ADCY9: variants seen among roughly 807,000 people sequenced by gnomAD.
ADCY9 encodes adenylate cyclase 9, also known as adenylate cyclase type 9.
ADCY9 carries 50 observed loss-of-function variants against 101.5 expected under a neutral mutation model. The observed-to-expected ratio is 0.49, with a 90% CI of 0.39 to 0.62. The LOEUF (loss-of-function observed/expected upper bound fraction) is 0.62. Among genes scored for constraint, ADCY9 ranks in the 20% least tolerant of loss-of-function variants. The pLI is 0.00. For synonymous variants in ADCY9, 905 were observed against 769.3 expected (o/e 1.18, Z -2.92); for missense variants, 1,662 against 1,800.4 (o/e 0.92, Z 1.39).
chr16:4,054,431 T>C (rs1049941115), intron 2 of ADCY9, among the ~76,000 whole-genome samples: 1 of 152,232 alleles, frequency 6.6e-6, no homozygotes, highest in East Asian at 1.9e-4. Context: ...GGCTCGGTTC[T>C]GAAATGATTT....
At chr16:3,996,966 G>A (rs1182940056) in intron 3 of ADCY9, among the ~76,000 whole-genome samples, 1 of 152,138 alleles carries the variant, frequency 6.6e-6, no homozygotes, top group Non-Finnish European at 1.5e-5. Context: ...CTGGGTTCAA[G>A]CAATTCTGCT....
rs1394273563 is a variant in ADCY9 at position 3,983,252 on chromosome 16, C to T, written c.2499G>A (p.Leu833=). 7.7e-6 allele frequency: 12 copies of T among 1,551,614 alleles called. No homozygotes were observed. The highest frequency in any genetic ancestry group is 1.0e-5 in the Non-Finnish European group (12 of 1,147,322). Residue 833 remains leucine (L), a synonymous_variant, in exon 7 of 11, where the codon CTG becomes CTA. Coordinates refer to ENST00000294016, the MANE Select transcript of ADCY9 (RefSeq NM_001116.4). ...VFSAALLLEV[L]SLAVSIRMVF... is the part of the protein sequence containing the mutation. ...CTTACCTGATGGACACCGCGAGGGA[C>T]AGCACCTCCAGCAGCAGGGCTGCAC...
At chr16:4,069,705 G>A (rs1179369788) in intron 2 of ADCY9, among the ~76,000 whole-genome samples, 2 of 151,924 alleles carry the variant, frequency 1.3e-5, no homozygotes, top group Non-Finnish European at 2.9e-5. Context: ...CCCAGGATTC[G>A]GACAGTGTTA....
rs772806621 is a variant in ADCY9, at chr16:3,965,852, C to T, written c.3985G>A (p.Glu1329Lys). 7.4e-6 allele frequency: 12 copies of T among 1,614,088 alleles called. No individual in the cohort carries two copies. The highest frequency in any genetic ancestry group is 1.3e-5 in the African/African-American group (1 of 74,946). The change falls in exon 11 of 11, where the codon GAG becomes AAG. Residue 1329 changes from glutamate (E) to lysine (K), a missense_variant. This residue lies in a region of ADCY9 where 168 missense variants were observed against 155.3 expected (regional missense o/e 1.08). Transcript: ENST00000294016. ...EERGRFGKAIEKDDCDETGIE... is the reference protein window; with the variant it reads ...EERGRFGKAIKKDDCDETGIE... Reference sequence around the variant, plus strand: ...CCTGTTTCGTCACAGTCGTCTTTCTCTATGGCTTTGCCAAATCGACCCCTT... The same window carrying T: ...CCTGTTTCGTCACAGTCGTCTTTCTTTATGGCTTTGCCAAATCGACCCCTT...
At position 3,998,728 on chromosome 16, in the gene ADCY9, A is replaced by AAG. The variant is rs1555507982; in HGVS notation, c.1885-5219_1885-5218insCT. Among the ~76,000 whole-genome samples, 27 of 129,912 alleles carry AAG rather than the reference A, an allele frequency of 2.1e-4. 1 individual carries two copies. The highest frequency in any genetic ancestry group is 6.4e-4 in the East Asian group (3 of 4,710). 85.2% of individuals were successfully genotyped at this position (129,912 alleles called of 152,430 possible). ...TGTCTCAAAAAAAAAAAAAAAAAAAAAAAAAAAGAAAAGAAAGAAAGAAAG... is the reference window on the plus strand; with the variant it reads ...TGTCTCAAAAAAAAAAAAAAAAAAAAAGAAAAAAAGAAAAGAAAGAAAGAAAG... On this transcript the variant is annotated intron_variant, in intron 3 of 10. Transcript: ENST00000294016.
chr16:4,002,615 A>G (rs1270842364), intron 3 of ADCY9, among the ~76,000 whole-genome samples: 1 of 152,268 alleles, frequency 6.6e-6, no homozygotes, highest in African/African-American at 2.4e-5. Flanking sequence ...CCAGCCACGC[A>G]GGTGCGCTCC....
chr16:3,991,763 TAAAAAAAA>T (rs55746006), intron 5 of ADCY9, among the ~76,000 whole-genome samples: 2 of 91,406 alleles, frequency 2.2e-5, no homozygotes, highest in Non-Finnish European at 1.9e-5. Context: ...CTAGTCCTTA[TAAAAAAAA>T]AAAAAAAAAA....
At chr16:4,069,465 C>T (rs1442952063) in intron 2 of ADCY9, among the ~76,000 whole-genome samples, 1 of 151,430 alleles carries the variant, frequency 6.6e-6, no homozygotes, top group African/African-American at 2.4e-5. Flanking sequence ...ACACTTGGTG[C>T]CGAGTCTGAC....
rs745631015 is a variant in ADCY9 at position 3,966,884 on chromosome 16, C to T, written c.2953G>A (p.Val985Ile). ...ACCAACAAGAGCAGGAGAAAGAAGA[C>T]GAGAACCACCTCCTGGCCGATGAGG... is the stretch of plus-strand genomic sequence containing the variant. Reference protein sequence around the residue: ...ASLIGQEVVLVFFLLLLLVWF... With the variant: ...ASLIGQEVVLIFFLLLLLVWF... Residue 985 changes from valine (V) to isoleucine (I), a missense_variant, in exon 11 of 11, where the codon GTC becomes ATC. Physicochemically the swap from Val to Ile is conservative, Grantham distance 29 (BLOSUM62 3). This residue lies in a region of ADCY9 where 624 missense variants were observed against 639.1 expected (regional missense o/e 0.98). Transcript: ENST00000294016. The T allele has an allele frequency of 9.9e-6, 16 of 1,613,990 alleles. No homozygotes were observed. Among genetic ancestry groups the T allele is most frequent in the East Asian group, 4.5e-5 (2 of 44,902 alleles).
intron 2 of ADCY9, among the ~76,000 whole-genome samples, chr16:4,096,418 G>A (rs940484889): frequency 3.3e-5 from 5 of 152,096 alleles, no homozygotes; most frequent in African/African-American, 1.2e-4. Flanking sequence ...TGTTAGTGGA[G>A]GAAATGTATT....
At chr16:3,999,064 C>T (rs189279352) in intron 3 of ADCY9, among the ~76,000 whole-genome samples, 39 of 152,218 alleles carry the variant, frequency 2.6e-4, no homozygotes, top group Non-Finnish European at 3.8e-4. Flanking sequence ...GTTTCCCAGC[C>T]GGCTAAACAG....
intron 2 of ADCY9, among the ~76,000 whole-genome samples, chr16:4,059,375 C>T (rs1399878272): frequency 1.5e-5 from 1 of 67,020 alleles, no homozygotes; most frequent in African/African-American, 6.7e-5. Context: ...AGCGAGAATC[C>T]ATCGAAAAAA....
At chr16:4,031,654 C>T (rs1445281129) in intron 2 of ADCY9, among the ~76,000 whole-genome samples, 7 of 151,992 alleles carry the variant, frequency 4.6e-5, no homozygotes, top group African/African-American at 9.7e-5. Context: ...GAGGCCGAGG[C>T]GGGTGGATTG....
chr16:3,979,143 G>C lies in ADCY9; in HGVS notation c.2652C>G (p.Val884=). 3.7e-6 allele frequency: 6 copies of C among 1,614,254 alleles called. No homozygotes were observed. Among genetic ancestry groups the C allele is most frequent in the East Asian group, 2.2e-5 (1 of 44,886 alleles). ...SLPALAVYSH[V]TSEYETNIHF... ...GTATGTTGGTCTCATATTCGGAGGT[G>C]ACATGGGAGTAGACGGCCAGTGCGG... The change falls in exon 8 of 11, where the codon GTC becomes GTG. Residue 884 remains valine (V), a synonymous_variant. Coordinates refer to ENST00000294016, the MANE Select transcript of ADCY9 (RefSeq NM_001116.4).
intron 9 of ADCY9, among the ~76,000 whole-genome samples, chr16:3,976,613 A>G (rs1272852804): frequency 6.6e-6 from 1 of 152,188 alleles, no homozygotes; most frequent in Non-Finnish European, 1.5e-5. Flanking sequence ...CTGGTCATTA[A>G]TCCTACGTCT....
intron 2 of ADCY9, among the ~76,000 whole-genome samples, chr16:4,070,364 A>G (rs770448928): frequency 6.6e-6 from 1 of 152,198 alleles, no homozygotes; most frequent in African/African-American, 2.4e-5. Flanking sequence ...TATTTCTTAT[A>G]TGTGGCTTTT....
chr16:3,993,329 C>A, intron 4 of ADCY9, 77 bp downstream of exon 4: 2 of 1,584,032 alleles, frequency 1.3e-6, no homozygotes, highest in Non-Finnish European at 1.7e-6. Context: ...ACTAAGAAGT[C>A]GACAAGACAG....
intron 5 of ADCY9, among the ~76,000 whole-genome samples, chr16:3,990,930 G>A (rs535323046): frequency 6.6e-6 from 1 of 152,214 alleles, no homozygotes; most frequent in Non-Finnish European, 1.5e-5. Context: ...CTCCTGAGTA[G>A]CTGGGATGAC....
intron 3 of ADCY9, among the ~76,000 whole-genome samples, chr16:3,999,927 T>C (rs952053536): frequency 6.6e-5 from 10 of 152,234 alleles, no homozygotes; most frequent in Non-Finnish European, 1.0e-4. Flanking sequence ...AGATAAATCA[T>C]TTCTAAGCCA....
Sources: gnomAD v4.1 joint callset for allele counts (sites outside exome capture counted in the v4.1 genomes callset) on GRCh38, gnomAD v4.1.1 for gene constraint, gnomAD v4.1.1 regional missense constraint, MANE v1.5 for transcripts, NCBI Gene and HGNC (gene_info 2026-07-23, HGNC 2026-07-21) for gene names.